The following ALDH1A2 variants were observed in gnomAD, a reference collection of about 807,000 sequenced individuals.
ALDH1A2 encodes the protein retinal dehydrogenase 2.
ALDH1A2 carries 27 observed loss-of-function variants against 60.3 expected under a neutral mutation model. The ratio of observed to expected loss-of-function variants is 0.45; its 90% confidence interval spans 0.33 to 0.62. The LOEUF is 0.62. Ranked by LOEUF, ALDH1A2 falls within the 20% of genes least tolerant of loss-of-function variation. The pLI is 0.02. For missense variants in ALDH1A2, 581 were observed against 643.8 expected (o/e 0.90, Z 1.06); for synonymous variants, 289 against 232.4 (o/e 1.24, Z -2.21).
chr15:58,037,001 T>A (rs1271033649), intron 1 of ALDH1A2, among the ~76,000 whole-genome samples: 1 of 151,732 alleles, frequency 6.6e-6, no homozygotes, highest in African/African-American at 2.4e-5. Context: ...CAGAAGATTA[T>A]CTGATACCCC....
chr15:58,056,100 G>T (rs566358852), intron 1 of ALDH1A2, among the ~76,000 whole-genome samples: 1 of 152,232 alleles, frequency 6.6e-6, no homozygotes, highest in South Asian at 2.1e-4. Flanking sequence ...TTCTGTTCCA[G>T]ATAATGTAAG....
chr15:57,992,416 A>C (rs1894926134), intron 7 of ALDH1A2, among the ~76,000 whole-genome samples: 1 of 152,164 alleles, frequency 6.6e-6, no homozygotes, highest in African/African-American at 2.4e-5. Context: ...CCAGCTTCTT[A>C]ACTTGCTTCT....
chr15:57,984,910 G>A (rs577843458), intron 7 of ALDH1A2, among the ~76,000 whole-genome samples: 14 of 152,238 alleles, frequency 9.2e-5, no homozygotes, highest in Non-Finnish European at 1.5e-5. Context: ...CCATTACTAT[G>A]GAGTATTACA....
At chr15:58,045,515 C>T (rs1896616460) in intron 1 of ALDH1A2, among the ~76,000 whole-genome samples, 1 of 152,064 alleles carries the variant, frequency 6.6e-6, no homozygotes, top group African/African-American at 2.4e-5. Context: ...CAATGATAGA[C>T]TGGATAAAGA....
At chr15:57,993,298 C>T (rs1335398245) in intron 5 of ALDH1A2, among the ~76,000 whole-genome samples, 1 of 152,180 alleles carries the variant, frequency 6.6e-6, no homozygotes, top group African/African-American at 2.4e-5. Flanking sequence ...ACTCCAACTA[C>T]CCACCAAAAG....
intron 1 of ALDH1A2, among the ~76,000 whole-genome samples, chr15:58,058,591 G>A (rs1896952140): frequency 6.6e-6 from 1 of 151,624 alleles, no homozygotes; most frequent in Admixed American, 6.6e-5. Context: ...TTTGAAAAAT[G>A]TATAATCAAG....
intron 3 of ALDH1A2, among the ~76,000 whole-genome samples, chr15:58,011,413 G>A (rs1362473904): frequency 6.6e-6 from 1 of 152,160 alleles, no homozygotes; most frequent in Non-Finnish European, 1.5e-5. Context: ...ATATTGAACT[G>A]CTTTACATTA....
In ALDH1A2 at chr15:58,005,736, T is replaced by A. The variant is rs543559080; in HGVS notation, c.493+4913A>T. Among the ~76,000 whole-genome samples the A allele has an allele frequency of 4.6e-5, 7 of 152,038 alleles. No individual in the cohort carries two copies. The South Asian group carries it at 1.4e-3, about 31-fold the overall frequency. On this transcript the variant is annotated intron_variant, in intron 4 of 12. Coordinates refer to ENST00000249750, the MANE Select transcript of ALDH1A2 (RefSeq NM_003888.4). ...AACCCTATTTCAGGTTCTTTTTTTA[T>A]GGGTGACCAAACAGAACTGTGTTAC...
intron 1 of ALDH1A2, among the ~76,000 whole-genome samples, chr15:58,025,233 A>T (rs1427209896): frequency 4.6e-5 from 7 of 152,196 alleles, no homozygotes; most frequent in African/African-American, 1.2e-4. Context: ...CAACAGGATC[A>T]ACAAAACAAA....
At chr15:58,056,349 T>C (rs948593249) in intron 1 of ALDH1A2, among the ~76,000 whole-genome samples, 1 of 152,140 alleles carries the variant, frequency 6.6e-6, no homozygotes, top group African/African-American at 2.4e-5. Context: ...ATACAATTTT[T>C]AAAAATTATT....
intron 1 of ALDH1A2, among the ~76,000 whole-genome samples, chr15:58,016,586 T>C (rs2140521845): frequency 6.6e-6 from 1 of 152,352 alleles, no homozygotes; most frequent in East Asian, 1.9e-4. Flanking sequence ...TCTTCATCAC[T>C]TAGTCTATTG....
intron 1 of ALDH1A2, among the ~76,000 whole-genome samples, chr15:58,029,181 T>C (rs575982927): frequency 6.6e-6 from 1 of 152,152 alleles, no homozygotes; most frequent in Admixed American, 6.5e-5. Flanking sequence ...AGAACAGAAA[T>C]CACAACAAAC....
At chr15:58,041,641 G>A (rs1896520719) in intron 1 of ALDH1A2, among the ~76,000 whole-genome samples, 1 of 151,792 alleles carries the variant, frequency 6.6e-6, no homozygotes, top group African/African-American at 2.4e-5. Context: ...CTTTTACAAG[G>A]ACACTAATCC....
intron 1 of ALDH1A2, among the ~76,000 whole-genome samples, chr15:58,033,965 AT>A (rs1219206509): frequency 6.6e-6 from 1 of 151,038 alleles, no homozygotes; most frequent in Admixed American, 6.6e-5. Context: ...TGTGTTGGCT[AT>A]TCTAGGTCTT....
intron 12 of ALDH1A2, among the ~76,000 whole-genome samples, chr15:57,956,952 C>T (rs1893547658): frequency 6.6e-6 from 1 of 152,158 alleles, no homozygotes; most frequent in Non-Finnish European, 1.5e-5. Context: ...TTGGATCCTA[C>T]CGTTTGGGTG....
rs1566941222 is a variant in ALDH1A2, at chr15:57,992,828, C to T, written c.685-10G>A. ...CGGGAGGAAAGCCAGCCTAAGAAAA[C>T]AGAACAGGAGGAAACGTGGCTGATG... On this transcript the variant is annotated splice_polypyrimidine_tract_variant and intron_variant, in intron 6 of 12. Coordinates refer to ENST00000249750, the MANE Select transcript of ALDH1A2 (RefSeq NM_003888.4). The T allele has an allele frequency of 6.2e-7, 1 of 1,614,034 alleles. No individual in the cohort carries two copies. The highest frequency in any genetic ancestry group is 8.5e-7 in the Non-Finnish European group (1 of 1,179,964).
At chr15:58,057,968 AATT>A (rs767887903) in intron 1 of ALDH1A2, 1 of 943,428 alleles carries the variant, frequency 1.1e-6, no homozygotes, top group South Asian at 3.3e-5. Flanking sequence ...TAAATAATAC[AATT>A]ATATTATCAA....
intron 1 of ALDH1A2, among the ~76,000 whole-genome samples, chr15:58,035,527 T>A (rs1346280253): frequency 1.3e-5 from 2 of 151,692 alleles, no homozygotes; most frequent in East Asian, 1.9e-4. Flanking sequence ...CTTAGACTAT[T>A]TCTTATTTTT....
chr15:58,015,401 T>G lies in ALDH1A2; in HGVS notation c.118-1120A>C, dbSNP rs145043803. Among the ~76,000 whole-genome samples, 7 of 152,360 alleles carry G rather than the reference T, an allele frequency of 4.6e-5. No individual in the cohort carries two copies. The East Asian group carries it at 1.3e-3, about 29-fold the overall frequency. ...ATGTAGAAGGAGGCACTGATTAAAC[T>G]ATAACTTTCTTTTCCCAAAGGATTT... On this transcript the variant is annotated intron_variant, in intron 1 of 12. Coordinates refer to ENST00000249750, the MANE Select transcript of ALDH1A2 (RefSeq NM_003888.4).
Sources: gnomAD v4.1 joint callset for allele counts (sites outside exome capture counted in the v4.1 genomes callset) on GRCh38, gnomAD v4.1.1 for gene constraint, MANE v1.5 for transcripts, NCBI Gene and HGNC (gene_info 2026-07-23, HGNC 2026-07-21) for gene names.